Variants in ADAMTS19 observed in about 807,000 individuals in gnomAD.
The protein encoded by ADAMTS19 is ADAM metallopeptidase with thrombospondin type 1 motif 19.
ADAMTS19 carries 93 observed loss-of-function variants against 153.3 expected under a neutral mutation model. The ratio of observed to expected loss-of-function variants is 0.61; its 90% CI spans 0.51 to 0.72. The LOEUF is 0.72. ADAMTS19 is among the 30% of genes least tolerant of loss of function. ADAMTS19 has a pLI of 0.00. For missense variants in ADAMTS19, 1,482 were observed against 1,552.1 expected (o/e 0.95, Z 0.76); for synonymous variants, 600 against 556.6 (o/e 1.08, Z -1.10).
At chr5:129,710,929 G>C (rs756098363) in intron 21 of ADAMTS19, among the ~76,000 whole-genome samples, 1 of 152,078 alleles carries the variant, frequency 6.6e-6, no homozygotes, top group Non-Finnish European at 1.5e-5. Flanking sequence ...AAAATTACCA[G>C]AACCAAAAAT....
chr5:129,524,524 A>T (rs1189223421), intron 3 of ADAMTS19, among the ~76,000 whole-genome samples: 1 of 152,078 alleles, frequency 6.6e-6, no homozygotes, highest in African/African-American at 2.4e-5. Context: ...CAGGCAGCCT[A>T]TGGAATGGGA....
At chr5:129,591,681 A>G (rs557869681) in intron 7 of ADAMTS19, among the ~76,000 whole-genome samples, 44 of 152,220 alleles carry the variant, frequency 2.9e-4, no homozygotes, top group Non-Finnish European at 5.4e-4. Flanking sequence ...TGCTTCAAAT[A>G]ATAGTAAGAC....
At chr5:129,560,900 G>T (rs531744932) in intron 7 of ADAMTS19, among the ~76,000 whole-genome samples, 2 of 152,166 alleles carry the variant, frequency 1.3e-5, no homozygotes, top group East Asian at 3.9e-4. Context: ...TGTTCAGATT[G>T]TCTGTATGCC....
intron 21 of ADAMTS19, among the ~76,000 whole-genome samples, chr5:129,710,280 T>C (rs1263810866): frequency 1.3e-5 from 2 of 152,202 alleles, no homozygotes; most frequent in Non-Finnish European, 2.9e-5. Context: ...GGTCCATCCA[T>C]GTCCCTGTAA....
intron 9 of ADAMTS19, among the ~76,000 whole-genome samples, chr5:129,621,580 G>A (rs906689925): frequency 6.6e-6 from 1 of 152,188 alleles, no homozygotes; most frequent in Non-Finnish European, 1.5e-5. Flanking sequence ...AGCACTCAGA[G>A]CATGTGATAT....
At chr5:129,505,685 A>G (rs1484624018) in intron 2 of ADAMTS19, among the ~76,000 whole-genome samples, 1 of 152,194 alleles carries the variant, frequency 6.6e-6, no homozygotes, top group East Asian at 1.9e-4. Flanking sequence ...TCACAAAAGC[A>G]ATGCTAAATT....
intron 7 of ADAMTS19, among the ~76,000 whole-genome samples, chr5:129,567,506 TAGAA>T (rs1023947035): frequency 7.2e-5 from 11 of 151,896 alleles, no homozygotes; most frequent in Admixed American, 2.6e-4. Flanking sequence ...AGTAAATAAA[TAGAA>T]AGAAAAAGCA....
chr5:129,523,578 A>G (rs1561550222), intron 3 of ADAMTS19, among the ~76,000 whole-genome samples: 1 of 152,208 alleles, frequency 6.6e-6, no homozygotes, highest in Non-Finnish European at 1.5e-5. Context: ...ATAATGTGAC[A>G]TGTAAGTTAC....
intron 10 of ADAMTS19, 53 bp from the exon 11 acceptor site, chr5:129,641,806 C>T (rs1752797495): frequency 8.2e-7 from 1 of 1,221,004 alleles, no homozygotes; most frequent in Admixed American, 2.0e-5. Context: ...ATTGGCTTCA[C>T]TTAAAAAAAT....
intron 2 of ADAMTS19, among the ~76,000 whole-genome samples, chr5:129,471,225 GGGT>G (rs1750054438): frequency 6.6e-6 from 1 of 152,064 alleles, no homozygotes; most frequent in African/African-American, 2.4e-5. Flanking sequence ...AATAAGCCTG[GGGT>G]GGTGGCACAT....
chr5:129,629,191 T>C (rs1012089569), intron 10 of ADAMTS19, among the ~76,000 whole-genome samples: 1 of 152,128 alleles, frequency 6.6e-6, no homozygotes, highest in African/African-American at 2.4e-5. Flanking sequence ...GTGAATCGAT[T>C]GAATAATGGA....
At chr5:129,488,027 G>A (rs1750653509) in intron 2 of ADAMTS19, among the ~76,000 whole-genome samples, 1 of 151,900 alleles carries the variant, frequency 6.6e-6, no homozygotes, top group Admixed American at 6.6e-5. Context: ...AAGTAACGTT[G>A]TAACTCTGTA....
chr5:129,490,601 A>G (rs1201230935), intron 2 of ADAMTS19, among the ~76,000 whole-genome samples: 1 of 152,212 alleles, frequency 6.6e-6, no homozygotes, highest in Non-Finnish European at 1.5e-5. Flanking sequence ...TGATACATCT[A>G]CTATCCTGCT....
At chr5:129,473,193 T>TA (rs5871355) in intron 2 of ADAMTS19, among the ~76,000 whole-genome samples, 88,775 of 146,926 alleles carry the variant, frequency 0.6, 26,571 homozygotes, top group Non-Finnish European at 0.65. Context: ...AAATAAACAG[T>TA]AAAAAAAAAA....
intron 2 of ADAMTS19, among the ~76,000 whole-genome samples, chr5:129,504,706 T>C (rs1751211893): frequency 6.6e-6 from 1 of 152,142 alleles, no homozygotes; most frequent in Non-Finnish European, 1.5e-5. Context: ...TCTCTGCTTC[T>C]ATCAGTCTGA....
chr5:129,515,834 G>A (rs919756266), intron 3 of ADAMTS19, among the ~76,000 whole-genome samples: 9 of 151,966 alleles, frequency 5.9e-5, no homozygotes, highest in Admixed American at 1.3e-4. Context: ...TTGAATAACA[G>A]TGGAGAGAGT....
chr5:129,680,577 T>C (rs1325866556), intron 17 of ADAMTS19, among the ~76,000 whole-genome samples: 1 of 151,918 alleles, frequency 6.6e-6, no homozygotes, highest in African/African-American at 2.4e-5. Flanking sequence ...ACCAACACGC[T>C]GAAACTCCGT....
intron 7 of ADAMTS19, among the ~76,000 whole-genome samples, chr5:129,573,585 A>G (rs1753989278): frequency 6.6e-6 from 1 of 152,070 alleles, no homozygotes; most frequent in Admixed American, 6.6e-5. Context: ...AATTTCTGAT[A>G]AGAAAATATT....
chr5:129,582,795 C>A (rs1749586767), intron 7 of ADAMTS19, among the ~76,000 whole-genome samples: 1 of 149,852 alleles, frequency 6.7e-6, no homozygotes, highest in African/African-American at 2.5e-5. Flanking sequence ...TGGTCTTGAT[C>A]TCCTTGACCC....
Sources: gnomAD v4.1 joint callset for allele counts (sites outside exome capture counted in the v4.1 genomes callset) on GRCh38, gnomAD v4.1.1 for gene constraint, MANE v1.5 for transcripts, NCBI Gene and HGNC (gene_info 2026-07-23, HGNC 2026-07-21) for gene names.